RIMS2: variants seen among roughly 807,000 people sequenced by gnomAD.
RIMS2 encodes the protein regulating synaptic membrane exocytosis 2.
Under a neutral mutation model 174.4 loss-of-function variants are expected in RIMS2, and 59 were observed. The observed-to-expected ratio is 0.34, with a 90% CI of 0.27 to 0.42. RIMS2 has a LOEUF of 0.42. RIMS2 is among the 10% of genes least tolerant of loss of function. RIMS2 has a pLI of 1.00. For missense variants in RIMS2, 1,620 were observed against 1,666.3 expected (o/e 0.97, Z 0.48); for synonymous variants, 606 against 572.5 (o/e 1.06, Z -0.84).
At chr8:103,711,236 TG>T (rs1421342207) in intron 2 of RIMS2, among the ~76,000 whole-genome samples, 1 of 152,206 alleles carries the variant, frequency 6.6e-6, no homozygotes, top group African/African-American at 2.4e-5. Context: ...TAGAAATCTC[TG>T]GGGCACCACA....
At chr8:104,017,353 A>C (rs1228191729) in intron 19 of RIMS2, among the ~76,000 whole-genome samples, 1 of 151,940 alleles carries the variant, frequency 6.6e-6, no homozygotes, top group African/African-American at 2.4e-5. Flanking sequence ...TTCAACAGCC[A>C]AAATATGAGC....
At chr8:104,140,618 T>G (rs2098557526) in intron 19 of RIMS2, among the ~76,000 whole-genome samples, 1 of 152,190 alleles carries the variant, frequency 6.6e-6, no homozygotes, top group African/African-American at 2.4e-5. Flanking sequence ...AGAAAATTCC[T>G]TCTTTATGTG....
At chr8:103,874,236 T>C (rs2099125238) in intron 3 of RIMS2, among the ~76,000 whole-genome samples, 1 of 152,050 alleles carries the variant, frequency 6.6e-6, no homozygotes, top group African/African-American at 2.4e-5. Context: ...CAGACCAATG[T>C]CCTTAAGAGG....
chr8:103,949,346 A>G (rs932546924), intron 14 of RIMS2, among the ~76,000 whole-genome samples: 3 of 152,152 alleles, frequency 2.0e-5, no homozygotes, highest in African/African-American at 7.2e-5. Flanking sequence ...GTCAGAAAAC[A>G]CCTTCTCTCC....
chr8:103,913,654 A>G (rs1392631778), intron 6 of RIMS2, among the ~76,000 whole-genome samples: 1 of 152,100 alleles, frequency 6.6e-6, no homozygotes, highest in African/African-American at 2.4e-5. Context: ...TGATGCCAAC[A>G]TCTGCTTGGC....
At chr8:103,606,568 G>A (rs1264829856) in intron 1 of RIMS2, among the ~76,000 whole-genome samples, 1 of 152,134 alleles carries the variant, frequency 6.6e-6, no homozygotes, top group African/African-American at 2.4e-5. Context: ...TTGACTTTCT[G>A]TCTCATTGAT....
At chr8:103,884,372 G>A (rs1214267044) in intron 3 of RIMS2, among the ~76,000 whole-genome samples, 1 of 151,742 alleles carries the variant, frequency 6.6e-6, no homozygotes, top group Non-Finnish European at 1.5e-5. Context: ...TTATCTTCAG[G>A]ATTCTAATCC....
chr8:103,935,487 C>T (rs888339319), intron 12 of RIMS2, among the ~76,000 whole-genome samples: 1 of 152,110 alleles, frequency 6.6e-6, no homozygotes, highest in African/African-American at 2.4e-5. Flanking sequence ...GCATTACTTC[C>T]CAATTTCAGA....
Position 103,975,519 on chromosome 8 carries a change from A to G in RIMS2, c.2927+13A>G. ...CTCCTCCACAAAGGTAAGATAGACT[A>G]CTTATTTTATTTGTAGGGTGGCTGT... On this transcript the variant is annotated intron_variant, in intron 16 of 23. Coordinates refer to ENST00000504942, the Ensembl canonical transcript of RIMS2. 6.2e-7 allele frequency: 1 copy of G among 1,603,342 alleles called. No individual in the cohort carries two copies. The highest frequency in any genetic ancestry group is 8.5e-7 in the Non-Finnish European group (1 of 1,171,176).
chr8:104,191,888 A>C (rs2136406966), intron 19 of RIMS2, among the ~76,000 whole-genome samples: 1 of 152,288 alleles, frequency 6.6e-6, no homozygotes, highest in East Asian at 1.9e-4. Context: ...TACAGGCAGA[A>C]GCCTCCGTGC....
At chr8:103,819,210 G>A in intron 3 of RIMS2, 1 of 1,214,380 alleles carries the variant, frequency 8.2e-7, no homozygotes, top group Non-Finnish European at 1.0e-6. Context: ...CATGAAAGCA[G>A]CTCAGCTTCA....
Position 104,020,317 on chromosome 8 carries a change from C to A in RIMS2, c.3334+5702C>A, listed in dbSNP as rs80278005. On this transcript the variant is annotated intron_variant, in intron 19 of 23. Coordinates refer to ENST00000504942, the Ensembl canonical transcript of RIMS2. ...AATGAGGGAGAAACATCAACACCAC[C>A]TACTAATGGGAAAAAAGGCAAGTCT... Among the ~76,000 whole-genome samples, 20 of 151,910 alleles carry A rather than the reference C, an allele frequency of 1.3e-4. No individual in the cohort carries two copies. The East Asian group carries it at 3.5e-3, about 26-fold the overall frequency.
Position 103,942,804 on chromosome 8 carries a change from A to G in RIMS2, c.2579A>G (p.Asp860Gly), listed in dbSNP as rs775239203. ...ATTGAATTAGAAACAGCATTATTAG[A>G]TGATGAGCCACATTGGTACAAACTT... The change falls in exon 14 of 24, where the codon GAT becomes GGT. Residue 860 changes from aspartate to glycine, a missense_variant. Around this residue, in one of 2 missense-constraint regions of RIMS2, gnomAD observed 1,395 missense variants for 1,360.1 expected, o/e 1.03. Transcript: ENST00000504942. 3.1e-6 allele frequency: 5 copies of G among 1,612,844 alleles called. No homozygotes were observed. In the Admixed American group the frequency reaches 5.0e-5, roughly 16 times the overall value.
chr8:103,709,788 G>A (rs1277421397), intron 2 of RIMS2, among the ~76,000 whole-genome samples: 1 of 151,922 alleles, frequency 6.6e-6, no homozygotes, highest in East Asian at 1.9e-4. Context: ...CTGTCTCTGT[G>A]CAGCTTTGTG....
intron 1 of RIMS2, among the ~76,000 whole-genome samples, chr8:103,669,561 A>G (rs2096718955): frequency 6.6e-6 from 1 of 152,230 alleles, no homozygotes; most frequent in Non-Finnish European, 1.5e-5. Flanking sequence ...TGCTTCCTAG[A>G]TACAGTGGGA....
chr8:103,729,641 A>AGTTT (rs57659519), intron 2 of RIMS2, among the ~76,000 whole-genome samples: 18,826 of 151,752 alleles, frequency 0.12, 1,251 homozygotes, highest in Middle Eastern at 0.22. Context: ...ATGCACTGTT[A>AGTTT]GTTTATTTTA....
At chr8:103,685,339 G>A (rs576309996) in intron 1 of RIMS2, among the ~76,000 whole-genome samples, 1 of 152,010 alleles carries the variant, frequency 6.6e-6, no homozygotes, top group Non-Finnish European at 1.5e-5. Context: ...AGCAAGGGCA[G>A]GGAGTAGTCC....
chr8:104,037,198 G>A (rs2096535056), intron 19 of RIMS2, among the ~76,000 whole-genome samples: 1 of 152,098 alleles, frequency 6.6e-6, no homozygotes, highest in Non-Finnish European at 1.5e-5. Context: ...TTGTATCACT[G>A]AGGTCCTCCT....
At chr8:103,737,653 C>T (rs937309875) in intron 2 of RIMS2, among the ~76,000 whole-genome samples, 1 of 152,128 alleles carries the variant, frequency 6.6e-6, no homozygotes, top group South Asian at 2.1e-4. Flanking sequence ...TGCAATCTGG[C>T]TTCTGACTAT....
Sources: gnomAD v4.1 joint callset for allele counts (sites outside exome capture counted in the v4.1 genomes callset) on GRCh38, gnomAD v4.1.1 for gene constraint, gnomAD v4.1.1 regional missense constraint, MANE v1.5 for transcripts, NCBI Gene and HGNC (gene_info 2026-07-23, HGNC 2026-07-21) for gene names.